The following SLC39A8 variants were observed in gnomAD, a reference collection of about 807,000 sequenced individuals.
SLC39A8 encodes the protein metal cation symporter ZIP8.
SLC39A8 carries 15 observed loss-of-function variants against 40.4 expected under a neutral mutation model. That is an observed-to-expected ratio of 0.37 (90% CI 0.25 to 0.57). The LOEUF is 0.57. Ranked by LOEUF, SLC39A8 falls within the 20% of genes least tolerant of loss-of-function variation. The pLI, the probability that SLC39A8 is intolerant of heterozygous loss-of-function variation, is 0.75. For synonymous variants in SLC39A8, 223 were observed against 221.6 expected, an observed-to-expected ratio of 1.01 and a Z score of -0.06; for missense variants, 472 against 558.8, an observed-to-expected ratio of 0.84 and a Z score of 1.57.
chr4:102,329,292 C>A (rs1330144138), intron 2 of SLC39A8, among the ~76,000 whole-genome samples: 1 of 152,056 alleles, frequency 6.6e-6, no homozygotes, highest in Non-Finnish European at 1.5e-5. Flanking sequence ...AATGGGAAGT[C>A]ATGTGAGGAT....
At chr4:102,266,159 T>C (rs1343610600) in intron 8 of SLC39A8, among the ~76,000 whole-genome samples, 1 of 152,194 alleles carries the variant, frequency 6.6e-6, no homozygotes. Flanking sequence ...CCCCTCTTTC[T>C]AGAGGAAAAG....
intron 3 of SLC39A8, among the ~76,000 whole-genome samples, chr4:102,315,439 A>G (rs1734612166): frequency 6.6e-6 from 1 of 152,008 alleles, no homozygotes; most frequent in African/African-American, 2.4e-5. Context: ...TAAAGTTTTT[A>G]AGTGTACTAA....
At chr4:102,257,587 T>C (rs1319890389), downstream of SLC39A8, among the ~76,000 whole-genome samples, 1 of 152,206 alleles carries the variant, frequency 6.6e-6, no homozygotes, top group African/African-American at 2.4e-5. Flanking sequence ...GTTCTCCATT[T>C]GGCTATACCC....
chr4:102,286,329 A>G (rs576506848), intron 6 of SLC39A8, among the ~76,000 whole-genome samples: 1 of 152,304 alleles, frequency 6.6e-6, no homozygotes, highest in South Asian at 2.1e-4. Context: ...ATCAGCATGC[A>G]TGACAGAACA....
intron 6 of SLC39A8, among the ~76,000 whole-genome samples, chr4:102,278,636 T>C (rs1732731167): frequency 1.3e-5 from 2 of 152,180 alleles, no homozygotes; most frequent in Admixed American, 6.5e-5. Context: ...ATCCTATTAC[T>C]GGGTATATAC....
chr4:102,258,992 C>T (rs170871), downstream of SLC39A8, among the ~76,000 whole-genome samples: 65,558 of 152,002 alleles, frequency 0.43, 14,655 homozygotes, highest in South Asian at 0.57. Context: ...ACAAACTCTA[C>T]GACTGAAGGT....
intron 6 of SLC39A8, among the ~76,000 whole-genome samples, chr4:102,297,000 G>A (rs1173642640): frequency 2.0e-5 from 3 of 152,084 alleles, no homozygotes; most frequent in East Asian, 3.9e-4. Flanking sequence ...CTCTGAAGGC[G>A]GAGTGGGAGC....
chr4:102,262,209 T>C lies in SLC39A8; in HGVS notation c.*835A>G. 1.0e-6 allele frequency: 1 copy of C among 985,984 alleles called. No individual in the cohort carries two copies. Among genetic ancestry groups the C allele is most frequent in the Non-Finnish European group, 1.2e-6 (1 of 829,922 alleles). The allele number at this position is 985,984 out of a possible 1,614,324, so 61.1% of individuals were successfully genotyped here. On this transcript the variant is annotated 3_prime_UTR_variant, in exon 9 of 9. Transcript: ENST00000356736. ...TTGCATAAAATTACATCCAATTTCT[T>C]TCTCTAAACCAACATATTCTTCACC...
intron 6 of SLC39A8, among the ~76,000 whole-genome samples, chr4:102,294,043 T>C (rs921019822): frequency 3.3e-5 from 5 of 151,878 alleles, no homozygotes; most frequent in African/African-American, 1.2e-4. Flanking sequence ...TGCTTATTTA[T>C]ACAGGAAAAA....
chr4:102,336,562 A>T (rs1248849402), intron 2 of SLC39A8, among the ~76,000 whole-genome samples: 1 of 152,236 alleles, frequency 6.6e-6, no homozygotes, highest in Non-Finnish European at 1.5e-5. Context: ...TTTAAAGAAA[A>T]AAAGTCAAGG....
intron 3 of SLC39A8, 38 bp from the exon 4 acceptor site, chr4:102,307,643 G>C: frequency 6.3e-7 from 1 of 1,584,380 alleles, no homozygotes; most frequent in Non-Finnish European, 8.6e-7. Flanking sequence ...AAATTAATCA[G>C]AGCAAGGAAC....
At chr4:102,273,485 G>A (rs1461098621) in intron 6 of SLC39A8, among the ~76,000 whole-genome samples, 3 of 152,186 alleles carry the variant, frequency 2.0e-5, no homozygotes, top group African/African-American at 2.4e-5. Context: ...CCCTGGGTCA[G>A]TGCACCCACG....
At chr4:102,265,191 T>C (rs78448826) in intron 8 of SLC39A8, among the ~76,000 whole-genome samples, 219 of 152,288 alleles carry the variant, frequency 1.4e-3, no homozygotes, top group Non-Finnish European at 2.5e-3. Context: ...ATATGATAGA[T>C]GTGCAGCTCT....
At chr4:102,269,732 T>C (rs1560528177) in intron 6 of SLC39A8, 1 of 152,232 alleles carries the variant, frequency 6.6e-6, no homozygotes, top group African/African-American at 2.4e-5. Context: ...TTCTTCTCTG[T>C]AATAGGATCT....
At chr4:102,335,403 T>TA (rs1735622877) in intron 2 of SLC39A8, among the ~76,000 whole-genome samples, 1 of 152,152 alleles carries the variant, frequency 6.6e-6, no homozygotes, top group Non-Finnish European at 1.5e-5. Context: ...TAGACTAAAA[T>TA]AATGCTCATT....
chr4:102,341,609 C>T (rs1735944844), intron 2 of SLC39A8, among the ~76,000 whole-genome samples: 1 of 152,186 alleles, frequency 6.6e-6, no homozygotes, highest in Non-Finnish European at 1.5e-5. Context: ...TTGGTCACTG[C>T]TTCTACCTAA....
At chr4:102,256,569 A>G (rs981569722) in intron 11 of SLC39A8, among the ~76,000 whole-genome samples, 1 of 152,216 alleles carries the variant, frequency 6.6e-6, no homozygotes, top group Non-Finnish European at 1.5e-5. Context: ...TGCATAGTTA[A>G]TCATACAAAT....
intron 2 of SLC39A8, among the ~76,000 whole-genome samples, chr4:102,329,027 C>CA (rs35230164): frequency 0.27 from 25,452 of 95,290 alleles, 2,815 homozygotes; most frequent in Middle Eastern, 0.47. Flanking sequence ...GACTGAATCT[C>CA]AAAAAAAAAA....
intron 3 of SLC39A8, among the ~76,000 whole-genome samples, chr4:102,309,758 G>A (rs953800135): frequency 4.6e-5 from 7 of 152,046 alleles, no homozygotes; most frequent in African/African-American, 1.7e-4. Context: ...CATTACCCTT[G>A]TTCACTACCT....
Sources: gnomAD v4.1 joint callset for allele counts (sites outside exome capture counted in the v4.1 genomes callset) on GRCh38, gnomAD v4.1.1 for gene constraint, MANE v1.5 for transcripts, NCBI Gene and HGNC (gene_info 2026-07-23, HGNC 2026-07-21) for gene names.